Variants in NBAS observed in about 807,000 individuals in gnomAD.
The protein encoded by NBAS is NAG/BC035112 fusion.
A neutral mutation model predicts 302.5 loss-of-function variants in NBAS; 219 were observed. The observed-to-expected ratio is 0.72, with a 90% confidence interval of 0.65 to 0.81. The LOEUF (loss-of-function observed/expected upper bound fraction) is 0.81, where lower values mean the gene tolerates loss of function less well. NBAS is among the 30% of genes least tolerant of loss of function. The pLI is 0.00. For synonymous variants in NBAS, 1,118 were observed against 1,021.6 expected (o/e 1.09, Z -1.80); for missense variants, 2,932 against 2,841.6 (o/e 1.03, Z -0.72).
the NBAS span, among the ~76,000 whole-genome samples, chr2:14,823,001 G>C: frequency 6.6e-6 from 1 of 152,204 alleles, no homozygotes; most frequent in Non-Finnish European, 1.5e-5. Context: ...CCCAAAGTCT[G>C]GTAGCAGCAT....
chr2:15,322,666 T>C (rs1040055568), intron 38 of NBAS, among the ~76,000 whole-genome samples: 2 of 152,206 alleles, frequency 1.3e-5, no homozygotes, highest in African/African-American at 4.8e-5. Flanking sequence ...AGTCAGATTA[T>C]GTTAGGAAGT....
chr2:15,011,506 T>A, the NBAS span, among the ~76,000 whole-genome samples: 36 of 152,156 alleles, frequency 2.4e-4, no homozygotes, highest in African/African-American at 8.2e-4. Context: ...CTGATAGGCA[T>A]GTCCCTAGGT....
intron 42 of NBAS, among the ~76,000 whole-genome samples, chr2:15,284,524 A>G (rs956028298): frequency 1.3e-5 from 2 of 152,204 alleles, no homozygotes; most frequent in African/African-American, 4.8e-5. Flanking sequence ...GATGCAGGTG[A>G]TACCTCCAAA....
the NBAS span, among the ~76,000 whole-genome samples, chr2:15,123,088 C>A: frequency 1.3e-5 from 2 of 152,286 alleles, no homozygotes; most frequent in South Asian, 4.1e-4. Flanking sequence ...AGAGCTGGTG[C>A]CCCACCCCGA....
chr2:15,461,199 A>G lies in NBAS; in HGVS notation c.2339+2T>C, dbSNP rs1679490668. 1 of 1,613,500 alleles carries G rather than the reference A, an allele frequency of 6.2e-7. No homozygotes were observed. Among genetic ancestry groups the G allele is most frequent in the Non-Finnish European group, 8.5e-7 (1 of 1,179,528 alleles). Reference sequence around the variant, plus strand: ...TAAAATTCTGTTAACATAGTCACATACCAAGCTTCGGGCAGCAAAACAGAA... The same window carrying G: ...TAAAATTCTGTTAACATAGTCACATGCCAAGCTTCGGGCAGCAAAACAGAA... On this transcript the variant is annotated splice_donor_variant, in intron 21 of 51. Transcript: ENST00000281513. LOFTEE classifies it high-confidence loss of function.
chr2:15,144,851 C>T, the NBAS span, among the ~76,000 whole-genome samples: 1 of 152,118 alleles, frequency 6.6e-6, no homozygotes, highest in Non-Finnish European at 1.5e-5. Flanking sequence ...TGGGGCAGGG[C>T]AACTTTCTCA....
intron 48 of NBAS, among the ~76,000 whole-genome samples, chr2:15,196,377 G>A (rs988674752): frequency 8.5e-5 from 13 of 152,082 alleles, no homozygotes; most frequent in Non-Finnish European, 1.3e-4. Context: ...TCAATATCCC[G>A]GTTGGATATT....
chr2:15,175,488 C>T (rs991654291), intron 51 of NBAS, among the ~76,000 whole-genome samples: 1 of 152,216 alleles, frequency 6.6e-6, no homozygotes, highest in Non-Finnish European at 1.5e-5. Flanking sequence ...AGTCAAGAGG[C>T]TTCCATCCAA....
rs1467230286 is a variant in NBAS, at chr2:15,460,874, T to C, written c.2339+327A>G. 2.6e-5 allele frequency among the ~76,000 whole-genome samples: 4 copies of C among 152,274 alleles called. No individual in the cohort carries two copies. In the South Asian group the frequency reaches 6.2e-4, roughly 24 times the overall value. On this transcript the variant is annotated intron_variant, in intron 21 of 51. Transcript: ENST00000281513. ...CCACCTAATACTGTCAAAAACACAC[T>C]TCAATTTCTAAAAGATACAACTAAC... is the stretch of plus-strand genomic sequence containing the variant.
At chr2:15,427,669 C>T in intron 22 of NBAS, 42 bp downstream of exon 22, 3 of 1,501,798 alleles carry the variant, frequency 2.0e-6, no homozygotes, top group Non-Finnish European at 2.8e-6. Flanking sequence ...GTTCACCCAT[C>T]CCACAAAGAA....
At chr2:15,190,828 G>GA (rs1404575093) in intron 48 of NBAS, among the ~76,000 whole-genome samples, 2 of 152,126 alleles carry the variant, frequency 1.3e-5, no homozygotes, top group Admixed American at 1.3e-4. Context: ...ATGTTGTCTA[G>GA]AAAATGTCTC....
At chr2:14,838,417 G>A in the NBAS span, among the ~76,000 whole-genome samples, 1 of 151,450 alleles carries the variant, frequency 6.6e-6, no homozygotes, top group East Asian at 1.9e-4. Flanking sequence ...TTTCAATTTT[G>A]TTGCAACACT....
chr2:14,892,670 CTT>C, the NBAS span, among the ~76,000 whole-genome samples: 1 of 147,814 alleles, frequency 6.8e-6, no homozygotes, highest in Non-Finnish European at 1.5e-5. Flanking sequence ...TCAATATGCT[CTT>C]TTTTTTTTTC....
the NBAS span, among the ~76,000 whole-genome samples, chr2:15,068,333 C>T: frequency 2.2e-4 from 33 of 152,288 alleles, no homozygotes; most frequent in African/African-American, 7.7e-4. Context: ...AATTCAGTGG[C>T]AGCTACAATT....
At chr2:14,895,981 G>A in the NBAS span, among the ~76,000 whole-genome samples, 1 of 144,692 alleles carries the variant, frequency 6.9e-6, no homozygotes, top group African/African-American at 2.7e-5. Flanking sequence ...ACCTGCACGT[G>A]TTACCTCCTG....
In NBAS at chr2:15,452,539, G is replaced by A. The variant is rs187885686; in HGVS notation, c.2339+8662C>T. ...GGAGGCGGAGCTTGCACTGAGCCGA[G>A]ATCGCGCCACTGCACTCCAGCCTGG... On this transcript the variant is annotated intron_variant, in intron 21 of 51. Transcript: ENST00000281513. Among the ~76,000 whole-genome samples, 962 of 149,222 alleles carry A rather than the reference G, an allele frequency of 6.4e-3. 13 individuals carry two copies. Among genetic ancestry groups the A allele is most frequent in the African/African-American group, 0.022 (881 of 40,148 alleles).
At chr2:15,415,476 T>C in intron 25 of NBAS, 70 bp downstream of exon 25, 2 of 1,347,238 alleles carry the variant, frequency 1.5e-6, no homozygotes, top group Non-Finnish European at 2.1e-6. Flanking sequence ...ACCATAAAAA[T>C]TGTATAAATA....
At chr2:14,946,311 G>A in the NBAS span, among the ~76,000 whole-genome samples, 1 of 152,034 alleles carries the variant, frequency 6.6e-6, no homozygotes, top group Non-Finnish European at 1.5e-5. Flanking sequence ...CAAGTACAAA[G>A]AGATGATCCT....
chr2:15,160,263 G>A, the NBAS span, among the ~76,000 whole-genome samples: 1 of 152,054 alleles, frequency 6.6e-6, no homozygotes, highest in Non-Finnish European at 1.5e-5. Flanking sequence ...GGGTCTCAGG[G>A]ACTCTTTCCA....
Sources: allele counts gnomAD v4.1 joint callset (sites outside exome capture counted in the v4.1 genomes callset), GRCh38; gene constraint gnomAD v4.1.1; transcripts MANE v1.5; gene names NCBI Gene and HGNC (gene_info 2026-07-23, HGNC 2026-07-21).